Variants in CA10 observed in about 807,000 individuals in gnomAD.
CA10 encodes the protein carbonic anhydrase 10 (inactive).
A neutral mutation model predicts 44.2 loss-of-function variants in CA10; 14 were observed. The ratio of observed to expected loss-of-function variants is 0.32; its 90% CI spans 0.21 to 0.50. The LOEUF is 0.50. CA10 is among the 20% of genes least tolerant of loss of function. The pLI, the probability that CA10 is intolerant of heterozygous loss-of-function variation, is 0.99. For missense variants in CA10, 350 were observed against 409.7 expected (o/e 0.85, Z 1.26); for synonymous variants, 159 against 141.6 (o/e 1.12, Z -0.87).
At chr17:51,910,382 C>T (rs984182338) in intron 3 of CA10, among the ~76,000 whole-genome samples, 8 of 152,144 alleles carry the variant, frequency 5.3e-5, no homozygotes, top group African/African-American at 1.9e-4. Flanking sequence ...TCAGCTGTTC[C>T]TGATGGTGCA....
intron 3 of CA10, among the ~76,000 whole-genome samples, chr17:51,918,468 C>T (rs185616925): frequency 2.6e-5 from 4 of 152,220 alleles, no homozygotes; most frequent in Admixed American, 2.0e-4. Context: ...TTAGATATAA[C>T]GTACCAAACT....
chr17:51,649,985 TCAGCCAGCCAGCCAGC>T (rs4058506), intron 5 of CA10, among the ~76,000 whole-genome samples: 6 of 150,626 alleles, frequency 4.0e-5, no homozygotes, highest in Non-Finnish European at 8.9e-5. Context: ...AGCCAGCCAG[TCAGCCAGCCAGCCAGC>T]CAGCCACCCA....
At chr17:52,021,847 A>G (rs1567706238) in intron 2 of CA10, among the ~76,000 whole-genome samples, 1 of 152,070 alleles carries the variant, frequency 6.6e-6, no homozygotes, top group Non-Finnish European at 1.5e-5. Flanking sequence ...TCAAATATTC[A>G]ATCAGGAAGA....
intron 3 of CA10, among the ~76,000 whole-genome samples, chr17:51,748,800 G>A (rs1488345825): frequency 6.6e-6 from 1 of 152,216 alleles, no homozygotes; most frequent in Non-Finnish European, 1.5e-5. Flanking sequence ...TTCATTAGAT[G>A]TGGTTTTCAT....
chr17:51,718,077 A>G (rs1567815899), intron 4 of CA10, among the ~76,000 whole-genome samples: 1 of 148,840 alleles, frequency 6.7e-6, no homozygotes, highest in African/African-American at 2.5e-5. Context: ...GAAGAGGAGG[A>G]GGGGGACGAG....
At chr17:51,885,527 CT>C (rs1210476842) in intron 3 of CA10, among the ~76,000 whole-genome samples, 8 of 152,346 alleles carry the variant, frequency 5.3e-5, no homozygotes, top group African/African-American at 1.7e-4. Context: ...CTGTTAAAAT[CT>C]TACACATTCT....
chr17:52,036,599 T>C (rs1469744976), intron 2 of CA10, among the ~76,000 whole-genome samples: 1 of 152,118 alleles, frequency 6.6e-6, no homozygotes, highest in Non-Finnish European at 1.5e-5. Context: ...GTGTAAGGCA[T>C]AAGAGAAGCA....
At chr17:51,680,568 C>G (rs1026177570) in intron 4 of CA10, among the ~76,000 whole-genome samples, 1 of 152,124 alleles carries the variant, frequency 6.6e-6, no homozygotes, top group African/African-American at 2.4e-5. Flanking sequence ...ACTCCCGCAC[C>G]CTGTTCCCCA....
chr17:52,158,037 G>A lies in CA10; in HGVS notation c.-251C>T. 3 of 561,012 alleles carry A rather than the reference G, an allele frequency of 5.3e-6. No individual in the cohort carries two copies. The highest frequency in any genetic ancestry group is 9.6e-6 in the Non-Finnish European group (3 of 312,826). The allele number at this position is 561,012 out of a possible 1,614,324, so 34.8% of individuals were successfully genotyped here. On this transcript the variant is annotated 5_prime_UTR_variant, in exon 1 of 9. Transcript: ENST00000451037. ...GCTGACACATGTCCGATGCCTCGCT[G>A]CCTTGGAGGTCTCCCCGCTCGCGTG...
intron 3 of CA10, among the ~76,000 whole-genome samples, chr17:51,826,644 T>G (rs1908019134): frequency 6.6e-6 from 1 of 152,202 alleles, no homozygotes; most frequent in Non-Finnish European, 1.5e-5. Context: ...GTTTCTCCTC[T>G]GGGAGGCCGG....
chr17:51,914,718 T>C (rs1981925575), intron 3 of CA10, among the ~76,000 whole-genome samples: 1 of 152,176 alleles, frequency 6.6e-6, no homozygotes, highest in African/African-American at 2.4e-5. Context: ...GCCCTTGATA[T>C]AGATGGAATG....
chr17:51,672,750 A>C (rs1914473203), intron 4 of CA10, among the ~76,000 whole-genome samples: 1 of 152,162 alleles, frequency 6.6e-6, no homozygotes, highest in African/African-American at 2.4e-5. Flanking sequence ...GAAAAAGCTC[A>C]TTTCTTGATT....
At chr17:51,754,356 GAC>G (rs1905002568) in intron 3 of CA10, among the ~76,000 whole-genome samples, 1 of 138,526 alleles carries the variant, frequency 7.2e-6, no homozygotes, top group African/African-American at 2.7e-5. Flanking sequence ...AAAATAAAGA[GAC>G]AACACATGCG....
At chr17:51,692,184 TA>T (rs1255938599) in intron 4 of CA10, among the ~76,000 whole-genome samples, 1 of 151,918 alleles carries the variant, frequency 6.6e-6, no homozygotes, top group Non-Finnish European at 1.5e-5. Context: ...CTTAGTGTTT[TA>T]TAGGTTTCCT....
chr17:51,692,546 G>C (rs1915249584), intron 4 of CA10, among the ~76,000 whole-genome samples: 1 of 151,744 alleles, frequency 6.6e-6, no homozygotes, highest in Non-Finnish European at 1.5e-5. Context: ...TCTTTCTCTT[G>C]CTTAATTGCT....
chr17:51,728,660 G>A lies in CA10; in HGVS notation c.465+18973C>T, dbSNP rs76651884. Among the ~76,000 whole-genome samples the A allele has an allele frequency of 6.4e-4, 98 of 152,226 alleles. 2 individuals carry two copies. The East Asian group carries it at 0.013, about 20-fold the overall frequency. ...CAGAGGTACCCAATATCCACAAGAC[G>A]TCCCTGGTGCAGTTAGCTTTGATCA... is the stretch of plus-strand genomic sequence containing the variant. On this transcript the variant is annotated intron_variant, in intron 4 of 8. Coordinates refer to ENST00000451037, the MANE Select transcript of CA10 (RefSeq NM_020178.5).
At chr17:51,712,910 T>G (rs1263987) in intron 4 of CA10, among the ~76,000 whole-genome samples, 58,650 of 152,062 alleles carry the variant, frequency 0.39, 11,861 homozygotes, top group Admixed American at 0.45. Flanking sequence ...AGGGTGAGTG[T>G]CTTTGTCTGC....
chr17:52,067,173 G>C (rs1217534743), intron 2 of CA10, among the ~76,000 whole-genome samples: 1 of 152,246 alleles, frequency 6.6e-6, no homozygotes, highest in East Asian at 1.9e-4. Context: ...CACATGCCCA[G>C]AGGCCTGGAA....
intron 3 of CA10, among the ~76,000 whole-genome samples, chr17:51,770,890 C>T (rs1320879307): frequency 6.6e-6 from 1 of 151,888 alleles, no homozygotes; most frequent in Non-Finnish European, 1.5e-5. Flanking sequence ...CTTTGGGAGG[C>T]TGAGGCAGGC....
Sources: allele counts gnomAD v4.1 joint callset (sites outside exome capture counted in the v4.1 genomes callset), GRCh38; gene constraint gnomAD v4.1.1; transcripts MANE v1.5; gene names NCBI Gene and HGNC (gene_info 2026-07-23, HGNC 2026-07-21).